Variants in MAST4 observed in about 807,000 individuals in gnomAD.
MAST4 encodes microtubule-associated serine/threonine-protein kinase 4.
Under a neutral mutation model 162.7 loss-of-function variants are expected in MAST4, and 89 were observed. The observed-to-expected ratio is 0.55, with a 90% CI of 0.46 to 0.65. The LOEUF (loss-of-function observed/expected upper bound fraction) is 0.65. Among genes scored for constraint, MAST4 ranks in the 30% least tolerant of loss-of-function variants. The pLI, the probability that MAST4 is intolerant of heterozygous loss-of-function variation, is 0.00. For synonymous variants in MAST4, 1,479 were observed against 1,361.1 expected (o/e 1.09, Z -1.91); for missense variants, 3,153 against 3,374.0 (o/e 0.93, Z 1.62).
chr5:66,798,034 C>G (rs1189042341), intron 3 of MAST4, among the ~76,000 whole-genome samples: 1 of 152,192 alleles, frequency 6.6e-6, no homozygotes, highest in Non-Finnish European at 1.5e-5. Context: ...TGAGCCTTCA[C>G]TTCATTTTCC....
At chr5:66,954,983 T>A (rs1745131919) in intron 4 of MAST4, among the ~76,000 whole-genome samples, 1 of 149,038 alleles carries the variant, frequency 6.7e-6, no homozygotes, top group Non-Finnish European at 1.5e-5. Flanking sequence ...GGTGGATCAC[T>A]TGAGTCCAGG....
chr5:66,682,212 C>T (rs534224509), intron 1 of MAST4, among the ~76,000 whole-genome samples: 2 of 152,144 alleles, frequency 1.3e-5, no homozygotes, highest in Non-Finnish European at 2.9e-5. Context: ...TGGCCCCACA[C>T]CCCAGAAATG....
At chr5:66,654,665 A>T (rs1746436069) in intron 1 of MAST4, among the ~76,000 whole-genome samples, 1 of 151,998 alleles carries the variant, frequency 6.6e-6, no homozygotes, top group Non-Finnish European at 1.5e-5. Context: ...CTTCATCAAT[A>T]AAACCATTTT....
In MAST4 at chr5:67,136,847, T is replaced by C. The variant is rs138899202; in HGVS notation, c.2494+183T>C. 3.2e-3 allele frequency among the ~76,000 whole-genome samples: 495 copies of C among 152,366 alleles called. 3 individuals are homozygous for C. Among genetic ancestry groups the C allele is most frequent in the Non-Finnish European group, 5.0e-3 (338 of 68,036 alleles). The stretch of plus-strand genomic sequence containing the variant: ...TTTTGTTTTCTGATTCAAAACAGTG[T>C]GTACGCTAAGAGGGTTGGTTGTTTG... On this transcript the variant is annotated intron_variant, in intron 19 of 28. Transcript: ENST00000403625.
At chr5:66,787,548 T>C (rs1348011192) in intron 2 of MAST4, among the ~76,000 whole-genome samples, 1 of 152,226 alleles carries the variant, frequency 6.6e-6, no homozygotes, top group African/African-American at 2.4e-5. Flanking sequence ...AACTAGTTAA[T>C]ACACTGCAAT....
chr5:66,895,834 C>G (rs1285205467), intron 3 of MAST4, among the ~76,000 whole-genome samples: 1 of 152,136 alleles, frequency 6.6e-6, no homozygotes, highest in Non-Finnish European at 1.5e-5. Flanking sequence ...TTTTGATACA[C>G]TTTCTTTCAC....
intron 13 of MAST4, 69 bp from the exon 14 acceptor site, chr5:67,120,948 T>C: frequency 9.1e-7 from 1 of 1,100,304 alleles, no homozygotes; most frequent in Non-Finnish European, 1.3e-6. Flanking sequence ...TCAAATATTA[T>C]CTATTTTGCT....
At chr5:66,634,210 C>A (rs564414324) in intron 1 of MAST4, among the ~76,000 whole-genome samples, 13 of 152,166 alleles carry the variant, frequency 8.5e-5, no homozygotes, top group Non-Finnish European at 1.6e-4. Context: ...CAGGCATATG[C>A]CACCACGCCT....
intron 4 of MAST4, chr5:66,986,620 T>TATATATATATATATA (rs58502962): frequency 1.7e-5 from 3 of 177,026 alleles, no homozygotes; most frequent in African/African-American, 9.5e-5. Context: ...ATATATATAT[T>TATATATATATATATA]TATTTATTTA....
At chr5:66,990,057 A>C (rs1358588664) in intron 4 of MAST4, among the ~76,000 whole-genome samples, 5 of 152,216 alleles carry the variant, frequency 3.3e-5, no homozygotes, top group African/African-American at 1.2e-4. Flanking sequence ...TGGAAGAGTC[A>C]GTGTGGTAAG....
chr5:66,714,724 C>T (rs1750710029), intron 1 of MAST4, among the ~76,000 whole-genome samples: 1 of 152,176 alleles, frequency 6.6e-6, no homozygotes, highest in Admixed American at 6.5e-5. Context: ...TAAACAATAC[C>T]ACTTTTTGGA....
intron 4 of MAST4, among the ~76,000 whole-genome samples, chr5:66,993,956 C>T (rs1750344659): frequency 8.1e-6 from 1 of 123,322 alleles, no homozygotes; most frequent in Non-Finnish European, 1.6e-5. Flanking sequence ...GCATTTCTAA[C>T]AAGCACTCCA....
intron 3 of MAST4, among the ~76,000 whole-genome samples, chr5:66,837,023 C>CGTGTGTGTGTGTGTGTGTGTGTGT (rs544483226): frequency 0.022 from 3,219 of 144,524 alleles, 141 homozygotes; most frequent in East Asian, 0.1. Context: ...CATGCAGGAT[C>CGTGTGTGTGTGTGTGTGTGTGTGT]ATGTGTGTGT....
chr5:66,751,542 C>T (rs1753168182), intron 1 of MAST4, among the ~76,000 whole-genome samples: 1 of 151,912 alleles, frequency 6.6e-6, no homozygotes, highest in South Asian at 2.1e-4. Flanking sequence ...GAAAGGGTGT[C>T]AGCGATGGAA....
intron 3 of MAST4, among the ~76,000 whole-genome samples, chr5:66,811,071 A>C (rs1290442567): frequency 2.0e-5 from 3 of 152,178 alleles, no homozygotes; most frequent in African/African-American, 7.2e-5. Context: ...ACGCACAGGA[A>C]CCGGGCAGAG....
Position 66,698,477 on chromosome 5 carries a change from C to A in MAST4, c.364-61232C>A, listed in dbSNP as rs576417904. The stretch of plus-strand genomic sequence containing the variant: ...GCTTCTCTATCTCTTTTACAGGTAC[C>A]TCTTTCTCTGCCCAGTCTATGGAGG... On this transcript the variant is annotated intron_variant, in intron 1 of 28. Transcript: ENST00000403625. 2.1e-3 allele frequency among the ~76,000 whole-genome samples: 321 copies of A among 152,054 alleles called. 1 individual carries two copies. Among genetic ancestry groups the A allele is most frequent in the African/African-American group, 7.2e-3 (298 of 41,446 alleles).
intron 1 of MAST4, among the ~76,000 whole-genome samples, chr5:66,608,270 G>T (rs1743031030): frequency 6.7e-6 from 1 of 149,208 alleles, no homozygotes; most frequent in Non-Finnish European, 1.5e-5. Flanking sequence ...TGGCCAGGCT[G>T]GTCTCAAGCT....
At position 67,078,930 on chromosome 5, in the gene MAST4, ATATATATATATATATATATATG is replaced by A. The variant is rs1331083598; in HGVS notation, c.764-11231_764-11210del. ...TATATAAATATATATATATATATAT[ATATATATATATATATATATATG>A]GCAATCTGATGTTATCTGTCAAATT... On this transcript the variant is annotated intron_variant, in intron 5 of 28. Transcript: ENST00000403625. Among the ~76,000 whole-genome samples the A allele has an allele frequency of 4.3e-4, 27 of 63,120 alleles. 3 individuals carry two copies. The highest frequency in any genetic ancestry group is 2.2e-3 in the African/African-American group (26 of 11,990). The allele number at this position is 63,120 out of a possible 152,430, so 41.4% of individuals were successfully genotyped here.
At chr5:66,775,854 A>G (rs116418361) in intron 2 of MAST4, among the ~76,000 whole-genome samples, 2,184 of 152,260 alleles carry the variant, frequency 0.014, 50 homozygotes, top group African/African-American at 0.048. Flanking sequence ...TTGAGGAAAT[A>G]TTTTATGATT....
Sources: gnomAD v4.1 joint callset for allele counts (sites outside exome capture counted in the v4.1 genomes callset) on GRCh38, gnomAD v4.1.1 for gene constraint, MANE v1.5 for transcripts, NCBI Gene and HGNC (gene_info 2026-07-23, HGNC 2026-07-21) for gene names.